POC1B: variants seen among roughly 807,000 people sequenced by gnomAD.
POC1B encodes the protein POC1 centriolar protein homolog B.
A neutral mutation model predicts 60.6 loss-of-function variants in POC1B; 44 were observed. The ratio of observed to expected loss-of-function variants is 0.73; its 90% confidence interval spans 0.57 to 0.93. The LOEUF (loss-of-function observed/expected upper bound fraction) is 0.93, where lower values mean the gene tolerates loss of function less well. Among genes scored for constraint, POC1B ranks in the 40% least tolerant of loss-of-function variants. POC1B has a pLI of 0.00. For missense variants in POC1B, 555 were observed against 572.3 expected (o/e 0.97, Z 0.31); for synonymous variants, 180 against 198.9 (o/e 0.90, Z 0.80).
Position 89,471,704 on chromosome 12 carries a change from G to C in POC1B, c.586C>G (p.Pro196Ala), listed in dbSNP as rs1400841267. The C allele has an allele frequency of 1.3e-6, 2 of 1,596,192 alleles. No individual in the cohort carries two copies. Among genetic ancestry groups the C allele is most frequent in the Non-Finnish European group, 1.7e-6 (2 of 1,172,970 alleles). Residue 196 changes from proline to alanine, a missense_variant, in exon 6 of 12, where the codon CCT becomes GCT. Pro to Ala is a conservative substitution (Grantham distance 27, BLOSUM62 -1). Coordinates refer to ENST00000313546, the MANE Select transcript of POC1B (RefSeq NM_172240.3). ...GCTGAAGCTATGCATGTACCACTAG[G>C]GTTAAAGTCCACAAAATTTGCAAAT... ...VGFANFVDFNPSGTCIASAGS... is the reference protein window; with the variant it reads ...VGFANFVDFNASGTCIASAGS...
chr12:89,497,138 A>C (rs1427327534), intron 3 of POC1B, 33 bp downstream of exon 3: 3 of 1,597,618 alleles, frequency 1.9e-6, no homozygotes, highest in Non-Finnish European at 2.6e-6. Flanking sequence ...TTCCAAATCC[A>C]AAGGATATCA....
In POC1B at chr12:89,459,732, T is replaced by TA. The variant is rs533548801; in HGVS notation, c.1033-15dup. ...CTTTGGATTAATCTGTGTATATACATAAAAAAAAATTATGAGATTTTCATA... is the reference window on the plus strand; with the variant it reads ...CTTTGGATTAATCTGTGTATATACATAAAAAAAAAATTATGAGATTTTCATA... On this transcript the variant is annotated splice_polypyrimidine_tract_variant and intron_variant, in intron 9 of 11. Coordinates refer to ENST00000313546, the MANE Select transcript of POC1B (RefSeq NM_172240.3). 4.5e-4 allele frequency: 616 copies of TA among 1,376,638 alleles called. No individual in the cohort carries two copies. Among genetic ancestry groups the TA allele is most frequent in the South Asian group, 8.2e-4 (49 of 59,682 alleles). 85.3% of individuals were successfully genotyped at this position (1,376,638 alleles called of 1,614,324 possible).
chr12:89,450,460 C>T (rs151257988), intron 10 of POC1B, among the ~76,000 whole-genome samples: 1,529 of 152,254 alleles, frequency 0.01, 15 homozygotes, highest in Non-Finnish European at 0.018. Flanking sequence ...CCTGCCTCGG[C>T]CTCCCAAAGT....
intron 2 of POC1B, chr12:89,520,714 T>G (rs1870778700): frequency 6.6e-6 from 1 of 152,178 alleles, no homozygotes; most frequent in Admixed American, 6.5e-5. Context: ...AAATTCAGAT[T>G]TTGCAAAATT....
intron 10 of POC1B, among the ~76,000 whole-genome samples, chr12:89,436,999 T>G (rs1031397828): frequency 1.3e-5 from 2 of 152,088 alleles, no homozygotes; most frequent in Non-Finnish European, 2.9e-5. Context: ...AGCCAAAAAT[T>G]TGAGAGATAT....
At chr12:89,478,356 T>A (rs1001453979) in intron 4 of POC1B, among the ~76,000 whole-genome samples, 9 of 152,152 alleles carry the variant, frequency 5.9e-5, no homozygotes, top group African/African-American at 2.2e-4. Context: ...TGGCCTCAAG[T>A]GATCCACCCG....
intron 2 of POC1B, among the ~76,000 whole-genome samples, chr12:89,505,591 A>C (rs1047709291): frequency 3.3e-5 from 5 of 152,238 alleles, no homozygotes; most frequent in Admixed American, 3.3e-4. Flanking sequence ...GGAAGGGAAC[A>C]CAAGAGGGGA....
chr12:89,518,086 CTTT>C (rs79963225), intron 2 of POC1B, among the ~76,000 whole-genome samples: 1 of 142,330 alleles, frequency 7.0e-6, no homozygotes. Flanking sequence ...TCTAATTTTC[CTTT>C]TTTTTTTTTT....
Position 89,491,963 on chromosome 12 carries a change from C to T in POC1B, c.425G>A (p.Arg142Gln), listed in dbSNP as rs752954312. The T allele has an allele frequency of 9.5e-6, 15 of 1,575,430 alleles. No individual in the cohort carries two copies. In the Admixed American group the frequency reaches 1.2e-4, roughly 12 times the overall value. Residue 142 changes from arginine to glutamine, a missense_variant, in exon 4 of 12, where the codon CGA becomes CAA. Coordinates refer to ENST00000313546, the MANE Select transcript of POC1B (RefSeq NM_172240.3). ...GGCACAGCGTACCCAGTGTGTATGT[C>T]GATACAAGGAATACAGGAAGCGCTG... is the stretch of plus-strand genomic sequence containing the variant. ...YRQRFLYSLY[R>Q]HTHWVRCAKF...
At chr12:89,460,441 A>G (rs1882443507) in intron 9 of POC1B, among the ~76,000 whole-genome samples, 1 of 152,208 alleles carries the variant, frequency 6.6e-6, no homozygotes, top group Admixed American at 6.5e-5. Context: ...TCGTAATGAG[A>G]AAAGTGAAAT....
At chr12:89,433,420 G>A (rs1017260447) in intron 10 of POC1B, among the ~76,000 whole-genome samples, 7 of 152,138 alleles carry the variant, frequency 4.6e-5, no homozygotes, top group Admixed American at 2.0e-4. Flanking sequence ...ATGGTGAGAC[G>A]AGCCAAGATG....
intron 9 of POC1B, 60 bp downstream of exon 9, chr12:89,466,710 C>T (rs942587263): frequency 2.0e-6 from 3 of 1,481,880 alleles, no homozygotes; most frequent in Non-Finnish European, 1.8e-6. Context: ...CAAACACCTC[C>T]TTCAGCAAAA....
chr12:89,465,342 G>C (rs1479458086), intron 9 of POC1B, among the ~76,000 whole-genome samples: 1 of 152,146 alleles, frequency 6.6e-6, no homozygotes, highest in Non-Finnish European at 1.5e-5. Context: ...CATGGAAATA[G>C]CACCTAATTC....
chr12:89,413,260 C>T, the POC1B span, among the ~76,000 whole-genome samples: 1 of 152,112 alleles, frequency 6.6e-6, no homozygotes, highest in Non-Finnish European at 1.5e-5. Flanking sequence ...GGCTGGAGTG[C>T]ACTGGTGCAA....
chr12:89,472,094 T>G, intron 5 of POC1B, 74 bp downstream of exon 5: 1 of 1,012,500 alleles, frequency 9.9e-7, no homozygotes, highest in Non-Finnish European at 1.5e-6. Context: ...ACTCATTTAT[T>G]TATTTAAATT....
At chr12:89,514,316 T>A (rs920762511) in intron 2 of POC1B, among the ~76,000 whole-genome samples, 1 of 148,166 alleles carries the variant, frequency 6.7e-6, no homozygotes, top group African/African-American at 2.5e-5. Context: ...TCCTGAGGCC[T>A]CCCCAGCCAT....
intron 10 of POC1B, among the ~76,000 whole-genome samples, chr12:89,446,656 C>T (rs150076268): frequency 1.5e-4 from 23 of 150,780 alleles, no homozygotes; most frequent in African/African-American, 5.4e-4. Context: ...ATGTAAATGA[C>T]GAGTTAATGG....
chr12:89,522,915 T>A, intron 2 of POC1B: 1 of 1,614,078 alleles, frequency 6.2e-7, no homozygotes, highest in Non-Finnish European at 8.5e-7. Flanking sequence ...TAAGACACAG[T>A]CCTGAGTGTG....
At chr12:89,435,876 C>G (rs958260880) in intron 10 of POC1B, among the ~76,000 whole-genome samples, 1 of 151,452 alleles carries the variant, frequency 6.6e-6, no homozygotes, top group Non-Finnish European at 1.5e-5. Flanking sequence ...TATCTTTTCT[C>G]AAACACGCAT....
Sources: gnomAD v4.1 joint callset for allele counts (sites outside exome capture counted in the v4.1 genomes callset) on GRCh38, gnomAD v4.1.1 for gene constraint, MANE v1.5 for transcripts, NCBI Gene and HGNC (gene_info 2026-07-23, HGNC 2026-07-21) for gene names.